The following PDIA6 variants were observed in gnomAD, a reference collection of about 807,000 sequenced individuals.
The protein encoded by PDIA6 is protein disulfide isomerase family A member 6.
PDIA6 carries 29 observed loss-of-function variants against 58.4 expected under a neutral mutation model. The ratio of observed to expected loss-of-function variants is 0.50; its 90% CI spans 0.37 to 0.68. The LOEUF (loss-of-function observed/expected upper bound fraction) is 0.68. PDIA6 is among the 30% of genes least tolerant of loss of function. The probability of loss-of-function intolerance (pLI) is 0.00; values close to 1 mark genes in which losing one functional copy is unlikely to be tolerated. For synonymous variants in PDIA6, 192 were observed against 202.6 expected (o/e 0.95, Z 0.44); for missense variants, 480 against 551.0 (o/e 0.87, Z 1.29).
intron 1 of PDIA6, among the ~76,000 whole-genome samples, chr2:10,806,261 G>A (rs572611231): frequency 1.2e-4 from 18 of 150,764 alleles, no homozygotes; most frequent in African/African-American, 2.9e-4. Context: ...CTAGCTACTC[G>A]AGAGGCTGAG....
chr2:10,802,689 G>T, intron 1 of PDIA6, 49 bp from the exon 2 acceptor site: 1 of 1,334,580 alleles, frequency 7.5e-7, no homozygotes, highest in South Asian at 2.6e-5. Flanking sequence ...TTCATGCTTT[G>T]ACTGGAAACC....
intron 10 of PDIA6, among the ~76,000 whole-genome samples, chr2:10,787,979 T>A (rs1302891364): frequency 1.3e-5 from 2 of 148,740 alleles, no homozygotes; most frequent in South Asian, 2.2e-4. Context: ...GGCAGGAGGA[T>A]CTTTTGAACC....
At chr2:10,822,408 G>GC (rs1667425320) in intron 1 of PDIA6, among the ~76,000 whole-genome samples, 1 of 151,944 alleles carries the variant, frequency 6.6e-6, no homozygotes, top group African/African-American at 2.4e-5. Context: ...GACTACAGGC[G>GC]CCCGCCACGA....
In PDIA6 at chr2:10,790,764, T is replaced by G. The variant is rs757288641; in HGVS notation, c.654A>C (p.Ala218=). 56 of 1,614,084 alleles carry G rather than the reference T, an allele frequency of 3.5e-5. No individual in the cohort carries two copies. The highest frequency in any genetic ancestry group is 4.7e-5 in the Non-Finnish European group (55 of 1,180,016). The change falls in exon 7 of 13, where the codon GCA becomes GCC. Residue 218 remains alanine (A), a synonymous_variant. Transcript: ENST00000272227. ...CCTGATTGACTGTAGCATCCACAGC[T>G]GCCAGTTTCACTTTTCCTTTCGTCT... ...KEQTKGKVKL[A]AVDATVNQVL... is the part of the protein sequence containing the mutation.
At chr2:10,812,545 G>C (rs1228903781) in intron 1 of PDIA6, 133 bp downstream of exon 1, 13 of 909,658 alleles carry the variant, frequency 1.4e-5, no homozygotes, top group Non-Finnish European at 1.9e-5. Context: ...CGGACGCCGA[G>C]GCCCGCGCCT....
intron 1 of PDIA6, among the ~76,000 whole-genome samples, chr2:10,810,708 G>C (rs1666968942): frequency 6.6e-6 from 1 of 152,092 alleles, no homozygotes; most frequent in South Asian, 2.1e-4. Context: ...ACATACTACT[G>C]AGAAAGAACA....
At chr2:10,830,724 T>C (rs1353404457) in intron 1 of PDIA6, among the ~76,000 whole-genome samples, 2 of 152,206 alleles carry the variant, frequency 1.3e-5, no homozygotes, top group Non-Finnish European at 2.9e-5. Context: ...AGAGCTGAAC[T>C]GAACTGCCCC....
exon 1 of PDIA6, chr2:10,837,581 A>G: frequency 1.2e-6 from 1 of 830,610 alleles, no homozygotes; most frequent in Non-Finnish European, 2.0e-6. Context: ...GACACTTTGG[A>G]GGCAGGGGCT....
chr2:10,826,087 G>A (rs990824949), intron 1 of PDIA6, among the ~76,000 whole-genome samples: 1 of 152,300 alleles, frequency 6.6e-6, no homozygotes, highest in East Asian at 1.9e-4. Flanking sequence ...ATCACCTGAC[G>A]AATGGATGAA....
intron 1 of PDIA6, among the ~76,000 whole-genome samples, chr2:10,812,266 G>A (rs1049332757): frequency 6.6e-6 from 1 of 152,094 alleles, no homozygotes; most frequent in Admixed American, 6.5e-5. Context: ...GAAACAAGCA[G>A]CAGTGCAGGA....
chr2:10,812,583 C>T (rs1667048937), intron 1 of PDIA6, 95 bp downstream of exon 1: 3 of 1,297,078 alleles, frequency 2.3e-6, no homozygotes, highest in Non-Finnish European at 3.0e-6. Context: ...CTTCCGGCCG[C>T]CTGCGGCCGC....
chr2:10,784,583 G>T, intron 12 of PDIA6: 1 of 524,324 alleles, frequency 1.9e-6, no homozygotes, highest in Non-Finnish European at 3.3e-6. Context: ...TTTTGAGGAG[G>T]GTGGGACACA....
chr2:10,790,671 G>T, intron 7 of PDIA6, 48 bp downstream of exon 7: 2 of 1,365,560 alleles, frequency 1.5e-6, no homozygotes, highest in Non-Finnish European at 2.1e-6. Flanking sequence ...AAGAAGTAAC[G>T]AAACACCATG....
At chr2:10,796,220 A>AT (rs1294330976) in intron 4 of PDIA6, among the ~76,000 whole-genome samples, 2 of 151,982 alleles carry the variant, frequency 1.3e-5, no homozygotes, top group African/African-American at 4.8e-5. Context: ...TGCCCGGCTA[A>AT]TTTTTTGTAT....
intron 2 of PDIA6, among the ~76,000 whole-genome samples, chr2:10,818,005 G>T (rs1325574930): frequency 6.6e-6 from 1 of 152,200 alleles, no homozygotes. Context: ...TCCTAGGGGT[G>T]CTCAGGAGAC....
chr2:10,825,206 G>T lies in PDIA6; in HGVS notation c.-47-5852C>A, dbSNP rs1206543981. ...CTCAGCCTGCAGATGGCCTATTTTT[G>T]GACCTTGCGATCATGTGAGTTAATA... On this transcript the variant is annotated intron_variant, in intron 1 of 13. Transcript: ENST00000381611. Among the ~76,000 whole-genome samples, 5 of 151,760 alleles carry T rather than the reference G, an allele frequency of 3.3e-5. No homozygotes were observed. The East Asian group carries it at 7.7e-4, about 23-fold the overall frequency.
chr2:10,814,987 A>G (rs940297082), upstream of PDIA6, among the ~76,000 whole-genome samples: 1 of 152,210 alleles, frequency 6.6e-6, no homozygotes, highest in Non-Finnish European at 1.5e-5. Context: ...ACTCCCTGCT[A>G]AATATCCCAG....
exon 1 of PDIA6, chr2:10,832,456 G>A (rs1258135393): frequency 1.6e-5 from 16 of 985,262 alleles, no homozygotes; most frequent in Non-Finnish European, 1.8e-5. Context: ...GAGGCCAGGA[G>A]ACCTAACCTT....
chr2:10,788,615 CA>C (rs1665890647), intron 10 of PDIA6, 81 bp downstream of exon 10: 3 of 939,152 alleles, frequency 3.2e-6, no homozygotes, highest in African/African-American at 1.7e-5. Flanking sequence ...ACACAGCTTA[CA>C]AAAACACGGG....
Sources: allele counts gnomAD v4.1 joint callset (sites outside exome capture counted in the v4.1 genomes callset), GRCh38; gene constraint gnomAD v4.1.1; transcripts MANE v1.5; gene names NCBI Gene and HGNC (gene_info 2026-07-23, HGNC 2026-07-21).